Variants in TENM1 observed in about 807,000 individuals in gnomAD.
TENM1 encodes the protein teneurin-1.
TENM1 carries 35 observed loss-of-function variants against 174.8 expected under a neutral mutation model. The observed-to-expected ratio is 0.20, with a 90% CI of 0.15 to 0.27. The LOEUF (loss-of-function observed/expected upper bound fraction) is 0.27, where lower values mean the gene tolerates loss of function less well. Ranked by LOEUF, TENM1 falls within the 10% of genes least tolerant of loss-of-function variation. TENM1 has a pLI of 1.00. For synonymous variants in TENM1, 781 were observed against 798.7 expected, an observed-to-expected ratio of 0.98 and a Z score of 0.37; for missense variants, 1,633 against 2,130.1, an observed-to-expected ratio of 0.77 and a Z score of 4.59.
At chrX:124,798,913 C>G (rs1193573965) in intron 3 of TENM1, among the ~76,000 whole-genome samples, 1 of 111,890 alleles carries the variant, frequency 8.9e-6, no homozygotes. Flanking sequence ...GTATGGCTAG[C>G]TAGTTTTCCC....
chrX:125,131,292 C>A, the TENM1 span, among the ~76,000 whole-genome samples: 3 of 111,564 alleles, frequency 2.7e-5, no homozygotes, highest in African/African-American at 9.8e-5. Context: ...ATGCACTAGT[C>A]TAAACATGTG....
intron 3 of TENM1, among the ~76,000 whole-genome samples, chrX:124,780,210 C>G (rs2054877402): frequency 8.9e-6 from 1 of 112,280 alleles, no homozygotes; most frequent in Non-Finnish European, 1.9e-5. Context: ...CATTTCTCAA[C>G]TTATTATCTT....
chrX:124,862,905 G>T (rs141706048), intron 3 of TENM1, among the ~76,000 whole-genome samples: 1 of 106,901 alleles, frequency 9.4e-6, no homozygotes, highest in African/African-American at 3.4e-5. Context: ...ATAATGAAGA[G>T]GCCTTTGTCT....
chrX:125,037,483 C>T, the TENM1 span, among the ~76,000 whole-genome samples: 2 of 111,078 alleles, frequency 1.8e-5, no homozygotes, highest in Admixed American at 9.6e-5. Context: ...ACTCAATATA[C>T]ATCACTGTAC....
chrX:124,988,113 G>C, the TENM1 span, among the ~76,000 whole-genome samples: 3 of 111,452 alleles, frequency 2.7e-5, no homozygotes, highest in Non-Finnish European at 5.7e-5. Context: ...TGATTATAGA[G>C]GGGAGAGAGA....
intron 11 of TENM1, among the ~76,000 whole-genome samples, chrX:124,633,917 A>G (rs2050818845): frequency 8.9e-6 from 1 of 111,967 alleles, no homozygotes; most frequent in African/African-American, 3.2e-5. Context: ...AATTTCATTT[A>G]CTTCAATAAT....
exon 18 of TENM1, chrX:124,520,764 G>A (rs1230660907): frequency 1.3e-5 from 15 of 1,188,924 alleles, no homozygotes; most frequent in Non-Finnish European, 1.7e-5. Context: ...TGGAGGGAAT[G>A]GGAATTTCCT....
intron 3 of TENM1, among the ~76,000 whole-genome samples, chrX:124,841,269 C>T (rs1393359567): frequency 8.9e-6 from 1 of 111,851 alleles, no homozygotes; most frequent in Non-Finnish European, 1.9e-5. Flanking sequence ...TAGATAAACA[C>T]ATCATCTTTT....
At chrX:124,912,953 A>G (rs1173111208) in intron 1 of TENM1, among the ~76,000 whole-genome samples, 1 of 111,530 alleles carries the variant, frequency 9.0e-6, no homozygotes, top group Non-Finnish European at 1.9e-5. Context: ...TAAAATATAT[A>G]TCATCTACTG....
At chrX:125,064,151 G>A in the TENM1 span, among the ~76,000 whole-genome samples, 1 of 105,920 alleles carries the variant, frequency 9.4e-6, no homozygotes, top group Non-Finnish European at 1.9e-5. Context: ...CACACACCGG[G>A]GCCGTTGTGG....
chrX:124,426,432 A>T (rs1166142414), intron 23 of TENM1, among the ~76,000 whole-genome samples: 1 of 112,078 alleles, frequency 8.9e-6, no homozygotes, highest in African/African-American at 3.2e-5. Flanking sequence ...GCGGCCTACT[A>T]CTTCCCCAGC....
chrX:125,023,550 A>C, the TENM1 span, among the ~76,000 whole-genome samples: 1 of 110,611 alleles, frequency 9.0e-6, no homozygotes, highest in African/African-American at 3.3e-5. Context: ...TTGGATGATG[A>C]CAGATGATGA....
Position 124,536,768 on chromosome X carries a change from T to C in TENM1, c.2652-6785A>G, listed in dbSNP as rs973848299. ...AATTTGAATCCTGAAATATTTGTCC[T>C]GTAAGCCCTTGCAACTCTTGAATAG... On this transcript the variant is annotated intron_variant, in intron 15 of 31. Coordinates refer to ENST00000422452, the Ensembl canonical transcript of TENM1. 2.7e-5 allele frequency among the ~76,000 whole-genome samples: 3 copies of C among 112,232 alleles called. No individual in the cohort carries two copies. In the Admixed American group the frequency reaches 2.8e-4, roughly 11 times the overall value.
chrX:124,399,525 G>T (rs2060376288), intron 27 of TENM1, among the ~76,000 whole-genome samples: 1 of 112,116 alleles, frequency 8.9e-6, no homozygotes, highest in Admixed American at 9.4e-5. Flanking sequence ...CCTTGCTTAA[G>T]TACTTTGCTG....
the TENM1 span, among the ~76,000 whole-genome samples, chrX:125,167,164 G>A: frequency 8.9e-6 from 1 of 111,771 alleles, no homozygotes; most frequent in Non-Finnish European, 1.9e-5. Context: ...ACTGTCAATT[G>A]TGCAATAGCC....
intron 22 of TENM1, among the ~76,000 whole-genome samples, chrX:124,463,470 C>T (rs1050448333): frequency 1.6e-4 from 18 of 111,207 alleles, no homozygotes; most frequent in Admixed American, 5.7e-4. Context: ...CCACACAGGC[C>T]CTGCTTGAAC....
intron 22 of TENM1, among the ~76,000 whole-genome samples, chrX:124,472,834 A>G (rs1297630807): frequency 9.0e-6 from 1 of 111,305 alleles, no homozygotes; most frequent in East Asian, 2.8e-4. Context: ...TGACTTCCCA[A>G]TTTCTTTAAT....
At chrX:124,639,102 C>A (rs1321527839) in intron 11 of TENM1, among the ~76,000 whole-genome samples, 1 of 111,801 alleles carries the variant, frequency 8.9e-6, no homozygotes, top group Admixed American at 9.5e-5. Flanking sequence ...TTTTAAATCA[C>A]TCAATGCTTT....
intron 3 of TENM1, among the ~76,000 whole-genome samples, chrX:124,848,268 G>GT (rs199730550): frequency 0.047 from 5,163 of 110,572 alleles, 181 homozygotes; most frequent in African/African-American, 0.11. Context: ...CTTGGAAGTA[G>GT]TTTCCAAATT....
Sources: gnomAD v4.1 joint callset for allele counts (sites outside exome capture counted in the v4.1 genomes callset) on GRCh38, gnomAD v4.1.1 for gene constraint, MANE v1.5 for transcripts, NCBI Gene and HGNC (gene_info 2026-07-23, HGNC 2026-07-21) for gene names.